The following GPC5 variants were observed in gnomAD, a reference collection of about 807,000 sequenced individuals.
GPC5 encodes glypican-5.
Under a neutral mutation model 53.9 loss-of-function variants are expected in GPC5, and 47 were observed. That is an observed-to-expected ratio of 0.87 (90% CI 0.69 to 1.11). The LOEUF is 1.11. GPC5 is among the 50% of genes most tolerant of loss of function. The pLI is 0.00. For synonymous variants in GPC5, 286 were observed against 263.3 expected (o/e 1.09, Z -0.84); for missense variants, 748 against 713.1 (o/e 1.05, Z -0.56).
chr13:91,643,525 TTATGA>T (rs2034484596), intron 2 of GPC5, among the ~76,000 whole-genome samples: 1 of 152,226 alleles, frequency 6.6e-6, no homozygotes, highest in Non-Finnish European at 1.5e-5. Context: ...ACATGCTAAA[TTATGA>T]TATTTTGGTG....
In GPC5 at chr13:92,128,728, G is replaced by A. The variant is rs1240805812; in HGVS notation, c.1402-16102G>A. Reference sequence around the variant, plus strand: ...GCCTGTAATCCCAGCACTTTGGGAAGCAGAAGCAGCTGGATCACAAGGTCA... The same window carrying A: ...GCCTGTAATCCCAGCACTTTGGGAAACAGAAGCAGCTGGATCACAAGGTCA... On this transcript the variant is annotated intron_variant, in intron 6 of 7. Transcript: ENST00000377067. 2.0e-5 allele frequency among the ~76,000 whole-genome samples: 3 copies of A among 152,188 alleles called. No individual in the cohort carries two copies. In the East Asian group the frequency reaches 5.8e-4, roughly 29 times the overall value.
At chr13:92,070,712 T>C (rs1024271430) in intron 6 of GPC5, among the ~76,000 whole-genome samples, 1 of 152,186 alleles carries the variant, frequency 6.6e-6, no homozygotes, top group African/African-American at 2.4e-5. Flanking sequence ...GGACCACTTA[T>C]CTTAAAACAT....
chr13:92,723,839 A>G lies in GPC5; in HGVS notation c.1562-142443A>G, dbSNP rs139567190. ...TGCTGTGTATCTTCTGTGAAATATAATTCTATCATATGCTGAAAATCTATT... is the reference window on the plus strand; with the variant it reads ...TGCTGTGTATCTTCTGTGAAATATAGTTCTATCATATGCTGAAAATCTATT... On this transcript the variant is annotated intron_variant, in intron 7 of 7. Transcript: ENST00000377067. 1.3e-3 allele frequency among the ~76,000 whole-genome samples: 196 copies of G among 151,778 alleles called. 1 individual carries two copies. The East Asian group carries it at 0.035, about 27-fold the overall frequency.
intron 7 of GPC5, among the ~76,000 whole-genome samples, chr13:92,463,487 CT>C (rs1243464719): frequency 1.3e-5 from 2 of 152,176 alleles, no homozygotes; most frequent in Non-Finnish European, 2.9e-5. Flanking sequence ...AATCCTACCC[CT>C]GATCACTCAT....
chr13:92,733,324 T>C (rs997651262), intron 7 of GPC5, among the ~76,000 whole-genome samples: 1 of 151,772 alleles, frequency 6.6e-6, no homozygotes, highest in African/African-American at 2.4e-5. Flanking sequence ...TTGATCTTTT[T>C]TTCCTACTTG....
At chr13:92,650,255 C>T (rs1428180205) in intron 7 of GPC5, among the ~76,000 whole-genome samples, 2 of 152,028 alleles carry the variant, frequency 1.3e-5, no homozygotes, top group Non-Finnish European at 2.9e-5. Flanking sequence ...ATGCCATACG[C>T]TTTCAGGATA....
At chr13:91,478,572 A>G (rs960142895) in intron 2 of GPC5, among the ~76,000 whole-genome samples, 1 of 151,528 alleles carries the variant, frequency 6.6e-6, no homozygotes, top group East Asian at 1.9e-4. Context: ...AAATATTGTT[A>G]CTGTAAATGA....
At chr13:92,512,105 T>C (rs1428769503) in intron 7 of GPC5, among the ~76,000 whole-genome samples, 2 of 152,190 alleles carry the variant, frequency 1.3e-5, no homozygotes, top group Non-Finnish European at 2.9e-5. Context: ...AAAGCATGCA[T>C]CCATGAGATA....
chr13:91,973,052 T>A (rs2040259553), intron 6 of GPC5, among the ~76,000 whole-genome samples: 1 of 152,238 alleles, frequency 6.6e-6, no homozygotes, highest in Non-Finnish European at 1.5e-5. Flanking sequence ...GATAATATCC[T>A]GCAGAGTGTT....
chr13:92,462,935 C>T (rs532640031), intron 7 of GPC5, among the ~76,000 whole-genome samples: 3 of 152,070 alleles, frequency 2.0e-5, no homozygotes, highest in African/African-American at 7.2e-5. Context: ...AGGTTTTGTT[C>T]ATTTTTAAAT....
At chr13:92,364,232 T>A (rs2043590524) in intron 7 of GPC5, among the ~76,000 whole-genome samples, 1 of 151,794 alleles carries the variant, frequency 6.6e-6, no homozygotes, top group African/African-American at 2.4e-5. Context: ...AGGAACACTA[T>A]ACATGATATA....
At chr13:92,394,529 G>A (rs1875172152) in intron 7 of GPC5, among the ~76,000 whole-genome samples, 1 of 152,150 alleles carries the variant, frequency 6.6e-6, no homozygotes, top group African/African-American at 2.4e-5. Context: ...CCTCACCAGA[G>A]CCCAGCCAAG....
intron 7 of GPC5, among the ~76,000 whole-genome samples, chr13:92,505,364 T>A (rs1880331416): frequency 6.6e-6 from 1 of 151,872 alleles, no homozygotes; most frequent in Non-Finnish European, 1.5e-5. Context: ...TGAAAAGATG[T>A]TTAAAATCAA....
At chr13:92,206,019 G>A (rs1478302733) in intron 7 of GPC5, among the ~76,000 whole-genome samples, 4 of 126,610 alleles carry the variant, frequency 3.2e-5, no homozygotes, top group African/African-American at 1.2e-4. Flanking sequence ...TCCAGCCTGC[G>A]CCATGGGAGC....
chr13:91,926,050 A>G (rs1368308383), intron 6 of GPC5, among the ~76,000 whole-genome samples: 1 of 152,114 alleles, frequency 6.6e-6, no homozygotes, highest in African/African-American at 2.4e-5. Context: ...CATTGCCACA[A>G]TGATTCTGCA....
intron 7 of GPC5, among the ~76,000 whole-genome samples, chr13:92,220,412 C>T (rs1201824521): frequency 6.6e-6 from 1 of 152,202 alleles, no homozygotes; most frequent in East Asian, 1.9e-4. Context: ...TGCCCAGCCT[C>T]TCCATGCCTC....
At chr13:92,096,802 C>T (rs1434279346) in intron 6 of GPC5, among the ~76,000 whole-genome samples, 1 of 152,140 alleles carries the variant, frequency 6.6e-6, no homozygotes, top group African/African-American at 2.4e-5. Context: ...ATTTAAAAAA[C>T]TAATACAGAG....
At chr13:92,042,830 C>T (rs1039329401) in intron 6 of GPC5, among the ~76,000 whole-genome samples, 1 of 151,730 alleles carries the variant, frequency 6.6e-6, no homozygotes, top group Non-Finnish European at 1.5e-5. Flanking sequence ...CAAAACAGTT[C>T]AAAGAACGAA....
At chr13:92,806,709 G>GCAGT (rs1267666541) in intron 7 of GPC5, among the ~76,000 whole-genome samples, 1 of 152,044 alleles carries the variant, frequency 6.6e-6, no homozygotes, top group African/African-American at 2.4e-5. Context: ...GGTTAGTGGA[G>GCAGT]CAGTCAGTGC....
Sources: gnomAD v4.1 joint callset for allele counts (sites outside exome capture counted in the v4.1 genomes callset) on GRCh38, gnomAD v4.1.1 for gene constraint, MANE v1.5 for transcripts, NCBI Gene and HGNC (gene_info 2026-07-23, HGNC 2026-07-21) for gene names.